Variants in PRKAR1A observed in about 807,000 individuals in gnomAD.
The protein encoded by PRKAR1A is protein kinase cAMP-dependent type I regulatory subunit alpha, also known as cAMP-dependent protein kinase type I-alpha regulatory subunit.
In PRKAR1A, 3 loss-of-function variants were observed where a neutral mutation model predicts 52.0. That is an observed-to-expected ratio of 0.06 (90% confidence interval 0.03 to 0.15). The LOEUF is 0.15. Among genes scored for constraint, PRKAR1A ranks in the 10% least tolerant of loss-of-function variants. The probability of loss-of-function intolerance (pLI) is 1.00; values close to 1 mark genes in which losing one functional copy is unlikely to be tolerated. For synonymous variants in PRKAR1A, 188 were observed against 168.4 expected (o/e 1.12, Z -0.90); for missense variants, 240 against 477.4 (o/e 0.50, Z 4.63).
the PRKAR1A span, chr17:68,420,490 G>C: frequency 6.3e-7 from 1 of 1,596,956 alleles, no homozygotes; most frequent in South Asian, 1.1e-5. Context: ...CCACGAGGAG[G>C]AGTACCTGGA....
chr17:68,420,627 G>A, the PRKAR1A span: 3 of 806,202 alleles, frequency 3.7e-6, no homozygotes, highest in South Asian at 1.8e-5. Context: ...CCTCCTCCAC[G>A]CCGACCCGAG....
chr17:68,450,927 T>G, the PRKAR1A span: 1 of 1,599,124 alleles, frequency 6.3e-7, no homozygotes, highest in African/African-American at 1.3e-5. Flanking sequence ...GGAGGTTACA[T>G]GGATTGATCA....
chr17:68,542,267 C>G, intron 11 of PRKAR1A: 1 of 1,266,862 alleles, frequency 7.9e-7, no homozygotes, highest in Admixed American at 1.9e-5. Context: ...AAACCCTGAA[C>G]TCACAGCTCG....
At chr17:68,545,449 A>C (rs1210460791) in intron 11 of PRKAR1A, among the ~76,000 whole-genome samples, 2 of 152,242 alleles carry the variant, frequency 1.3e-5, no homozygotes, top group Non-Finnish European at 2.9e-5. Flanking sequence ...GAGTCCAATA[A>C]ATATGCAATA....
chr17:68,467,005 G>A, the PRKAR1A span, among the ~76,000 whole-genome samples: 1 of 152,162 alleles, frequency 6.6e-6, no homozygotes, highest in Admixed American at 6.5e-5. Flanking sequence ...TCATATAAAT[G>A]GAATCACACA....
intron 2 of PRKAR1A, among the ~76,000 whole-genome samples, chr17:68,521,218 G>A (rs1431219824): frequency 6.6e-6 from 1 of 152,150 alleles, no homozygotes; most frequent in Non-Finnish European, 1.5e-5. Context: ...GGGATTACAG[G>A]TGTGAGCCAC....
chr17:68,437,010 A>ATGTGTGTGTGTGTG, the PRKAR1A span, among the ~76,000 whole-genome samples: 1,004 of 77,864 alleles, frequency 0.013, 5 homozygotes, highest in African/African-American at 0.044. Context: ...AAAAAAATAT[A>ATGTGTGTGTGTGTG]TATATATGTG....
the PRKAR1A span, among the ~76,000 whole-genome samples, chr17:68,489,073 C>A: frequency 2.0e-5 from 3 of 148,624 alleles, no homozygotes; most frequent in East Asian, 2.0e-4. Flanking sequence ...TATTTCTAAA[C>A]CCCAGAGGTG....
chr17:68,489,349 ATATATATATGGAAAG>A, the PRKAR1A span, among the ~76,000 whole-genome samples: 1 of 122,808 alleles, frequency 8.1e-6, no homozygotes, highest in African/African-American at 3.2e-5. Context: ...GTATATATAT[ATATATATATGGAAAG>A]TATATATATA....
chr17:68,425,837 T>G, the PRKAR1A span: 1 of 438,652 alleles, frequency 2.3e-6, no homozygotes, highest in Non-Finnish European at 4.1e-6. Flanking sequence ...CAAGACTCCC[T>G]GGATTAGTAT....
chr17:68,447,917 C>T, the PRKAR1A span, among the ~76,000 whole-genome samples: 2 of 142,564 alleles, frequency 1.4e-5, no homozygotes, highest in Non-Finnish European at 3.0e-5. Context: ...TGCTTGAACA[C>T]GGGAGGTAGA....
At chr17:68,493,576 A>G in the PRKAR1A span, 2 of 149,410 alleles carry the variant, frequency 1.3e-5, no homozygotes, top group Non-Finnish European at 3.0e-5. Context: ...ACTGATGCCA[A>G]AGATATTTTT....
the PRKAR1A span, among the ~76,000 whole-genome samples, chr17:68,496,968 C>T: frequency 6.6e-6 from 1 of 151,768 alleles, no homozygotes; most frequent in African/African-American, 2.4e-5. Context: ...GGACTATAGG[C>T]ACACACCACC....
chr17:68,424,536 C>T, the PRKAR1A span: 1 of 532,378 alleles, frequency 1.9e-6, no homozygotes, highest in Non-Finnish European at 3.9e-6. Flanking sequence ...GCCCAAGTGG[C>T]AGCTCCTCTC....
At chr17:68,540,180 C>T (rs1269598339) in intron 11 of PRKAR1A, among the ~76,000 whole-genome samples, 1 of 152,220 alleles carries the variant, frequency 6.6e-6, no homozygotes, top group Non-Finnish European at 1.5e-5. Context: ...AATGGACTGG[C>T]TTCAAGTCTA....
chr17:68,465,495 C>T, the PRKAR1A span, among the ~76,000 whole-genome samples: 3 of 152,086 alleles, frequency 2.0e-5, no homozygotes, highest in Non-Finnish European at 2.9e-5. Flanking sequence ...CACTCTGTTG[C>T]CCAGGCTGGA....
chr17:68,541,897 T>C, intron 11 of PRKAR1A: 1 of 1,483,594 alleles, frequency 6.7e-7, no homozygotes, highest in South Asian at 1.3e-5. Context: ...GCTTTTCAGA[T>C]TCAAAAGCCA....
chr17:68,461,027 TAA>T, the PRKAR1A span, among the ~76,000 whole-genome samples: 1 of 152,228 alleles, frequency 6.6e-6, no homozygotes, highest in Non-Finnish European at 1.5e-5. The surrounding 1 kb of genome is among the most constrained non-coding windows in gnomAD (Gnocchi z 4.6). Context: ...ATGGGCAACC[TAA>T]GTCTTACAAG....
the PRKAR1A span, among the ~76,000 whole-genome samples, chr17:68,472,067 G>A: frequency 6.6e-6 from 1 of 152,192 alleles, no homozygotes; most frequent in African/African-American, 2.4e-5. Context: ...GCCTCCCAAT[G>A]TGCTGGTATG....
Sources: allele counts gnomAD v4.1 joint callset (sites outside exome capture counted in the v4.1 genomes callset), GRCh38; gene constraint gnomAD v4.1.1; non-coding constraint Gnocchi (gnomAD v3.1); transcripts MANE v1.5; gene names NCBI Gene and HGNC (gene_info 2026-07-23, HGNC 2026-07-21).